TGFBRAP1: variants seen among roughly 807,000 people sequenced by gnomAD.
TGFBRAP1 encodes transforming growth factor-beta receptor-associated protein 1.
TGFBRAP1 carries 20 observed loss-of-function variants against 83.2 expected under a neutral mutation model. The ratio of observed to expected loss-of-function variants is 0.24; its 90% CI spans 0.17 to 0.35. TGFBRAP1 has a LOEUF of 0.35. TGFBRAP1 is among the 10% of genes least tolerant of loss of function. The pLI is 1.00. For missense variants in TGFBRAP1, 950 were observed against 1,099.4 expected (o/e 0.86, Z 1.92); for synonymous variants, 415 against 459.8 (o/e 0.90, Z 1.25).
intron 1 of TGFBRAP1, among the ~76,000 whole-genome samples, chr2:105,315,592 A>G (rs1288496616): frequency 6.6e-6 from 1 of 152,242 alleles, no homozygotes; most frequent in Non-Finnish European, 1.5e-5. Context: ...AATGACCAAT[A>G]AGAACATGAA....
At chr2:105,272,552 C>T (rs1677192014) in intron 10 of TGFBRAP1, among the ~76,000 whole-genome samples, 1 of 152,142 alleles carries the variant, frequency 6.6e-6, no homozygotes, top group African/African-American at 2.4e-5. Flanking sequence ...CCTTATTTCT[C>T]CCTGCAAGGA....
chr2:105,281,247 G>C (rs148990691), intron 5 of TGFBRAP1, among the ~76,000 whole-genome samples: 6 of 152,342 alleles, frequency 3.9e-5, no homozygotes, highest in African/African-American at 1.4e-4. Context: ...GGCCATTTCT[G>C]TGGGGACTCT....
chr2:105,289,902 C>T (rs945193119), intron 4 of TGFBRAP1, among the ~76,000 whole-genome samples: 2 of 152,196 alleles, frequency 1.3e-5, no homozygotes, highest in African/African-American at 2.4e-5. Flanking sequence ...TTACAGGACA[C>T]CTGAAAGTGT....
chr2:105,272,435 G>A (rs1677187657), intron 10 of TGFBRAP1, among the ~76,000 whole-genome samples: 1 of 152,170 alleles, frequency 6.6e-6, no homozygotes, highest in South Asian at 2.1e-4. Context: ...GACACTGTGT[G>A]TCAAGAGACA....
At chr2:105,308,828 T>C (rs1678607080) in intron 1 of TGFBRAP1, among the ~76,000 whole-genome samples, 4 of 152,154 alleles carry the variant, frequency 2.6e-5, no homozygotes, top group South Asian at 4.2e-4. Context: ...TTCCCTGAGT[T>C]TCTACAGCTA....
At chr2:105,297,474 G>A (rs750154158) in intron 3 of TGFBRAP1, among the ~76,000 whole-genome samples, 23 of 152,172 alleles carry the variant, frequency 1.5e-4, no homozygotes, top group Non-Finnish European at 2.6e-4. Flanking sequence ...GAGCCCCACC[G>A]GAATTAGCCC....
At chr2:105,297,251 T>C (rs1181084069) in intron 3 of TGFBRAP1, among the ~76,000 whole-genome samples, 1 of 152,242 alleles carries the variant, frequency 6.6e-6, no homozygotes, top group Non-Finnish European at 1.5e-5. Context: ...CTGTCTTCTG[T>C]ATCACAACTA....
rs761887359 is a variant in TGFBRAP1, at chr2:105,307,665, C to T, written c.637G>A (p.Val213Ile). The T allele has an allele frequency of 8.7e-6, 14 of 1,614,008 alleles. 1 individual carries two copies. Among genetic ancestry groups the T allele is most frequent in the Admixed American group, 3.3e-5 (2 of 60,010 alleles). The change falls in exon 2 of 12, where the codon GTC becomes ATC. Residue 213 changes from valine to isoleucine, a missense_variant. By Grantham distance (29) the Val-to-Ile change is conservative. Coordinates refer to ENST00000393359, the MANE Select transcript of TGFBRAP1 (RefSeq NM_004257.6). ...PYCSEERPPI[V>I]KRIGRQEFLL... ...AACTCCTGTCTCCCTATCCTCTTGA[C>T]GATCGGCGGCCTCTCCTCACTGCAG...
intron 1 of TGFBRAP1, among the ~76,000 whole-genome samples, chr2:105,317,239 T>C (rs1678913413): frequency 6.6e-6 from 1 of 151,898 alleles, no homozygotes; most frequent in South Asian, 2.1e-4. Flanking sequence ...AAGATGGAGA[T>C]CATCCTGCCC....
chr2:105,313,084 C>T (rs961285069), intron 1 of TGFBRAP1, among the ~76,000 whole-genome samples: 2 of 152,048 alleles, frequency 1.3e-5, no homozygotes, highest in African/African-American at 4.8e-5. Flanking sequence ...TGCACTCCAG[C>T]CTGGGCAACA....
chr2:105,300,565 T>C (rs911091209), intron 2 of TGFBRAP1, among the ~76,000 whole-genome samples: 2 of 150,890 alleles, frequency 1.3e-5, no homozygotes, highest in Non-Finnish European at 2.9e-5. Flanking sequence ...GGCTCCTGAG[T>C]AGCTGGGATT....
rs772089397 is a variant in TGFBRAP1 at position 105,267,555 on chromosome 2, T to C, written c.2411A>G (p.Lys804Arg). The C allele has an allele frequency of 1.2e-6, 2 of 1,614,180 alleles. No homozygotes were observed. Among genetic ancestry groups the C allele is most frequent in the Admixed American group, 1.7e-5 (1 of 60,026 alleles). Residue 804 changes from lysine (K) to arginine (R), a missense_variant, in exon 12 of 12, where the codon AAG (lysine) becomes AGG (arginine). Physicochemically the swap from Lys to Arg is conservative, Grantham distance 26. Coordinates refer to ENST00000393359, the MANE Select transcript of TGFBRAP1 (RefSeq NM_004257.6). Reference sequence around the variant, plus strand: ...GAGTTGGATTGAGCTTCCTTTCAACTTCATCTGCAAGAAGAAACCAAGACT... The same window carrying C: ...GAGTTGGATTGAGCTTCCTTTCAACCTCATCTGCAAGAAGAAACCAAGACT... ...ENLIYTYDKM[K>R]LKGSSIQLSD... is the part of the protein sequence containing the mutation.
chr2:105,267,252 C>A lies in TGFBRAP1; in HGVS notation c.*131G>T, dbSNP rs994424670. ...GCGAGGAGTCCTTGTTGCGTATGGA[C>A]GGAAGGCTCCCTGGCACCCAGATGT... is the stretch of plus-strand genomic sequence containing the variant. On this transcript the variant is annotated 3_prime_UTR_variant, in exon 12 of 12. Transcript: ENST00000393359. 2.4e-6 allele frequency: 3 copies of A among 1,258,492 alleles called. No homozygotes were observed. Among genetic ancestry groups the A allele is most frequent in the Non-Finnish European group, 3.2e-6 (3 of 923,572 alleles). The allele number at this position is 1,258,492 out of a possible 1,614,324, so 78.0% of individuals were successfully genotyped here.
Position 105,273,441 on chromosome 2 carries a change from A to G in TGFBRAP1, c.1812+103T>C, listed in dbSNP as rs1170559923. The G allele has an allele frequency of 3.4e-6, 5 of 1,480,942 alleles. No individual in the cohort carries two copies. In the African/African-American group the frequency reaches 7.0e-5, roughly 21 times the overall value. The allele number at this position is 1,480,942 out of a possible 1,614,324, so 91.7% of individuals were successfully genotyped here. A position where few individuals can be genotyped will look rare whatever the true frequency, so the allele number is the denominator to read the frequency against. On this transcript the variant is annotated intron_variant, in intron 9 of 11. Transcript: ENST00000393359. The stretch of plus-strand genomic sequence containing the variant: ...GACCATCAACAAGTACGGATGGATC[A>G]CCCAGGGAACAGACATTACACAGAA...
chr2:105,269,468 GCAGCCACGGC>G lies in TGFBRAP1; in HGVS notation c.2200_2209del (p.Ala734ProfsTer5). On this transcript the variant is annotated frameshift_variant, in exon 11 of 12. Transcript: ENST00000393359. LOFTEE classifies it high-confidence loss of function. The surrounding 1 kb of genome is among the most constrained non-coding windows in gnomAD (Gnocchi z 4.1). Reference sequence around the variant, plus strand: ...GGCGTGGCGGTTCAGCAGGTCCACGGCAGCCACGGCCAGCTCGTGGGCAGTGGGGCCAGCA... The same window carrying G: ...GGCGTGGCGGTTCAGCAGGTCCACGGCAGCTCGTGGGCAGTGGGGCCAGCA... The G allele has an allele frequency of 6.2e-7, 1 of 1,613,224 alleles. No homozygotes were observed. The highest frequency in any genetic ancestry group is 2.2e-5 in the East Asian group (1 of 44,860).
intron 4 of TGFBRAP1, among the ~76,000 whole-genome samples, chr2:105,291,163 G>T (rs536512181): frequency 1.4e-4 from 21 of 151,664 alleles, no homozygotes; most frequent in African/African-American, 4.8e-4. Flanking sequence ...AGGTAATTAG[G>T]ATTACATGAG....
chr2:105,308,044 T>C lies in TGFBRAP1; in HGVS notation c.258A>G (p.Ser86=), dbSNP rs1678573016. ...KKPVNELRAA[S]ALNRLLVLCD... is the part of the protein sequence containing the mutation. ...ACAGCACCAGCAGCCTGTTGAGTGC[T>C]GAGGCCGCACGCAGCTCGTTCACGG... is the stretch of plus-strand genomic sequence containing the variant. Residue 86 remains serine, a synonymous_variant, in exon 2 of 12, where the codon TCA becomes TCG. Coordinates refer to ENST00000393359, the MANE Select transcript of TGFBRAP1 (RefSeq NM_004257.6). 2 of 1,613,846 alleles carry C rather than the reference T, an allele frequency of 1.2e-6. No individual in the cohort carries two copies. The highest frequency in any genetic ancestry group is 8.5e-7 in the Non-Finnish European group (1 of 1,179,924).
the TGFBRAP1 span, among the ~76,000 whole-genome samples, chr2:105,256,845 G>A: frequency 6.6e-6 from 1 of 152,190 alleles, no homozygotes; most frequent in East Asian, 1.9e-4. Context: ...AGACCTTGCT[G>A]ATAAAACAGC....
At chr2:105,327,747 T>G (rs1048522483) in intron 1 of TGFBRAP1, among the ~76,000 whole-genome samples, 12 of 152,316 alleles carry the variant, frequency 7.9e-5, no homozygotes, top group South Asian at 4.2e-4. Flanking sequence ...GTCCTGGGAT[T>G]CCTGCAGTGG....
Sources: gnomAD v4.1 joint callset for allele counts (sites outside exome capture counted in the v4.1 genomes callset) on GRCh38, gnomAD v4.1.1 for gene constraint, Gnocchi (gnomAD v3.1) non-coding constraint, MANE v1.5 for transcripts, NCBI Gene and HGNC (gene_info 2026-07-23, HGNC 2026-07-21) for gene names.